COL18A1: variants seen among roughly 807,000 people sequenced by gnomAD.
COL18A1 encodes collagen alpha-1(XVIII) chain.
Under a neutral mutation model 168.0 loss-of-function variants are expected in COL18A1, and 133 were observed. The ratio of observed to expected loss-of-function variants is 0.79; its 90% CI spans 0.69 to 0.91. The LOEUF is 0.91. COL18A1 is among the 40% of genes least tolerant of loss of function. COL18A1 has a pLI of 0.00. For missense variants in COL18A1, 2,126 were observed against 1,925.4 expected (o/e 1.10, Z -1.95); for synonymous variants, 949 against 809.0 (o/e 1.17, Z -2.94).
intron 2 of COL18A1, among the ~76,000 whole-genome samples, chr21:45,439,304 G>A (rs1354838637): frequency 6.6e-6 from 1 of 152,256 alleles, no homozygotes; most frequent in Non-Finnish European, 1.5e-5. Flanking sequence ...CGCGGAGGGC[G>A]CAGCGCGTTC....
chr21:45,508,228 A>ATG (rs2037347824), intron 38 of COL18A1, among the ~76,000 whole-genome samples: 1 of 96,350 alleles, frequency 1.0e-5, no homozygotes, highest in Non-Finnish European at 2.2e-5. Flanking sequence ...GTGGGTGGAT[A>ATG]GTGGGTAAGT....
At chr21:45,487,214 A>T (rs2036145425) in intron 16 of COL18A1, among the ~76,000 whole-genome samples, 1 of 152,048 alleles carries the variant, frequency 6.6e-6, no homozygotes, top group South Asian at 2.1e-4. Context: ...GCCATGCCCC[A>T]GCACCCGTGC....
chr21:45,442,344 A>G (rs544335574), intron 2 of COL18A1, among the ~76,000 whole-genome samples: 1 of 152,296 alleles, frequency 6.6e-6, no homozygotes, highest in Non-Finnish European at 1.5e-5. Context: ...CCACAGAGGC[A>G]CACGTCGTGT....
chr21:45,497,387 CCCTGCAGGTGTGG>C (rs2061691758), intron 31 of COL18A1, among the ~76,000 whole-genome samples, 199 bp from the exon 32 acceptor site: 1 of 152,236 alleles, frequency 6.6e-6, no homozygotes, highest in African/African-American at 2.4e-5. Context: ...TCAGCACGTG[CCCTGCAGGTGTGG>C]CCTGGCCCCC....
intron 15 of COL18A1, among the ~76,000 whole-genome samples, chr21:45,483,814 G>A (rs961160421): frequency 1.3e-5 from 2 of 152,188 alleles, no homozygotes; most frequent in African/African-American, 4.8e-5. Context: ...GGTGGTGAGA[G>A]CACTTGGAGA....
chr21:45,473,957 C>T lies in COL18A1; in HGVS notation c.714C>T (p.Asp238=), dbSNP rs369721525. ...DPQVSPMHCL[D]EEGDDSDGAS... is the part of the protein sequence containing the mutation. ...AGGTGAGCCCCATGCACTGCCTGGACGAGGAAGGCGATGACTCAGATGGGG... is the reference window on the plus strand; with the variant it reads ...AGGTGAGCCCCATGCACTGCCTGGATGAGGAAGGCGATGACTCAGATGGGG... The change falls in exon 4 of 42, where the codon GAC becomes GAT. Residue 238 remains aspartate (D), a synonymous_variant. Coordinates refer to ENST00000651438, the MANE Select transcript of COL18A1 (RefSeq NM_001379500.1). This position sits in a 1 kb window ranked among gnomAD's most constrained non-coding sequence, Gnocchi z 4.0. 444 of 1,600,902 alleles carry T rather than the reference C, an allele frequency of 2.8e-4. No homozygotes were observed. Among genetic ancestry groups the T allele is most frequent in the East Asian group, 8.2e-4 (36 of 44,094 alleles).
At chr21:45,496,168 C>T in intron 29 of COL18A1, 1 of 491,040 alleles carries the variant, frequency 2.0e-6, no homozygotes, top group Non-Finnish European at 3.9e-6. Flanking sequence ...GTCCACTCTG[C>T]TGTCTTTTGA....
intron 2 of COL18A1, among the ~76,000 whole-genome samples, chr21:45,464,985 G>A (rs181475140): frequency 1.6e-3 from 247 of 152,320 alleles, no homozygotes; most frequent in Middle Eastern, 3.4e-3. Context: ...ATATGCATGG[G>A]AGTCTTACTT....
At position 45,405,375 on chromosome 21, in the gene COL18A1, G is replaced by T; in HGVS notation, c.12-4G>T. 1 of 1,279,792 alleles carries T rather than the reference G, an allele frequency of 7.8e-7. No homozygotes were observed. Among genetic ancestry groups the T allele is most frequent in the Non-Finnish European group, 9.9e-7 (1 of 1,012,044 alleles). The allele number at this position is 1,279,792 out of a possible 1,614,324, so 79.3% of individuals were successfully genotyped here. A position where few individuals can be genotyped will look rare whatever the true frequency, so the allele number is the denominator to read the frequency against. On this transcript the variant is annotated splice_polypyrimidine_tract_variant and splice_region_variant and intron_variant, in intron 1 of 41. Coordinates refer to ENST00000651438, the MANE Select transcript of COL18A1 (RefSeq NM_001379500.1). ...GGGGTCTGACCCGTGCCTGTCCCGC[G>T]CAGGTGCCCCTGGCCATGGCCGCGG...
rs1263720039 is a variant in COL18A1 at position 45,505,827 on chromosome 21, G to A, written c.3088-11G>A. ...CGCCAAGCCCCACACCTCTGCATTT[G>A]GTCCCAGCAGGTGAGGCTCTGGGCT... On this transcript the variant is annotated splice_polypyrimidine_tract_variant and intron_variant, in intron 36 of 41. Coordinates refer to ENST00000651438, the MANE Select transcript of COL18A1 (RefSeq NM_001379500.1). 1 of 1,143,154 alleles carries A rather than the reference G, an allele frequency of 8.7e-7. No homozygotes were observed. Among genetic ancestry groups the A allele is most frequent in the Admixed American group, 1.9e-5 (1 of 52,594 alleles). 70.8% of individuals were successfully genotyped at this position (1,143,154 alleles called of 1,614,324 possible).
Position 45,510,974 on chromosome 21 carries a change from CA to C in COL18A1, c.3694-136del. ...ACAACACCCCACATACACCCCCAAA[CA>C]CCCCCCACACCCCACACACACAACA... On this transcript the variant is annotated intron_variant, in intron 40 of 41. Transcript: ENST00000651438. 10 of 19,798 alleles carry C rather than the reference CA, an allele frequency of 5.1e-4. 2 individuals carry two copies. Among genetic ancestry groups the C allele is most frequent in the African/African-American group, 2.8e-3 (5 of 1,774 alleles). The allele number at this position is 19,798 out of a possible 1,614,324, so 1.2% of individuals were successfully genotyped here.
intron 2 of COL18A1, among the ~76,000 whole-genome samples, chr21:45,439,044 G>A (rs1158847273): frequency 3.9e-5 from 6 of 152,242 alleles, no homozygotes; most frequent in Admixed American, 2.6e-4. Context: ...GCTGTCGGAG[G>A]TGCAGGCCAC....
chr21:45,495,299 G>A (rs1481154813), intron 28 of COL18A1, 59 bp from the exon 29 acceptor site: 2 of 1,436,748 alleles, frequency 1.4e-6, no homozygotes, highest in African/African-American at 2.8e-5. Context: ...GCACCCTGCG[G>A]GAAGGTGTCT....
At chr21:45,460,725 G>A (rs1283853329) in intron 2 of COL18A1, among the ~76,000 whole-genome samples, 1 of 152,202 alleles carries the variant, frequency 6.6e-6, no homozygotes, top group Non-Finnish European at 1.5e-5. Context: ...ACCACTCTGG[G>A]AAATAACTCA....
intron 30 of COL18A1, 86 bp downstream of exon 30, chr21:45,496,654 T>C: frequency 1.3e-6 from 1 of 788,968 alleles, no homozygotes; most frequent in South Asian, 1.3e-5. Flanking sequence ...TCTTCTCCCC[T>C]GGCCTCTGCG....
intron 2 of COL18A1, among the ~76,000 whole-genome samples, chr21:45,449,678 A>G (rs1362131763): frequency 6.6e-6 from 1 of 152,134 alleles, no homozygotes; most frequent in Non-Finnish European, 1.5e-5. Context: ...CTTCAGGTCC[A>G]TGTGTTTGGT....
Position 45,438,049 on chromosome 21 carries a change from T to A in COL18A1, c.107-30193T>A, listed in dbSNP as rs1481005329. Among the ~76,000 whole-genome samples, 2 of 96,370 alleles carry A rather than the reference T, an allele frequency of 2.1e-5. 1 individual carries two copies. The highest frequency in any genetic ancestry group is 4.1e-5 in the Non-Finnish European group (2 of 49,156). 63.2% of individuals were successfully genotyped at this position (96,370 alleles called of 152,430 possible). A position where few individuals can be genotyped will look rare whatever the true frequency, so the allele number is the denominator to read the frequency against. ...ACACACAGACACACAGGCACTCTCC[T>A]GCACACACTCACACTCACACTCAGA... On this transcript the variant is annotated intron_variant, in intron 2 of 41. Coordinates refer to ENST00000651438, the MANE Select transcript of COL18A1 (RefSeq NM_001379500.1).
chr21:45,405,425 G>A lies in COL18A1; in HGVS notation c.58G>A (p.Ala20Thr), dbSNP rs543335234. The A allele has an allele frequency of 2.9e-5, 39 of 1,363,028 alleles. No homozygotes were observed. The highest frequency in any genetic ancestry group is 7.9e-5 in the Admixed American group (3 of 38,058). 84.4% of individuals were successfully genotyped at this position (1,363,028 alleles called of 1,614,324 possible). A position where few individuals can be genotyped will look rare whatever the true frequency, so the allele number is the denominator to read the frequency against. Residue 20 changes from alanine (A) to threonine (T), a missense_variant, in exon 2 of 42, where the codon GCG becomes ACG. Coordinates refer to ENST00000651438, the MANE Select transcript of COL18A1 (RefSeq NM_001379500.1). ...GCGGCGGCGCCTCCTGGACGTGCTC[G>A]CGCCCCTGGTCCTGCTGCTCGGGGT... ...PRRRRLLDVL[A>T]PLVLLLGVRA...
intron 2 of COL18A1, chr21:45,420,177 G>C (rs1160591213): frequency 6.6e-6 from 1 of 152,268 alleles, no homozygotes; most frequent in Non-Finnish European, 1.5e-5. Flanking sequence ...TCCTGGCAGA[G>C]GCGTTGCTGT....
Sources: allele counts gnomAD v4.1 joint callset (sites outside exome capture counted in the v4.1 genomes callset), GRCh38; gene constraint gnomAD v4.1.1; non-coding constraint Gnocchi (gnomAD v3.1); transcripts MANE v1.5; gene names NCBI Gene and HGNC (gene_info 2026-07-23, HGNC 2026-07-21).